Variants in KIF6 observed in about 807,000 individuals in gnomAD.
KIF6 encodes kinesin-like protein KIF6.
In KIF6, 106 loss-of-function variants were observed where a neutral mutation model predicts 112.7. That is an observed-to-expected ratio of 0.94 (90% CI 0.80 to 1.11). KIF6 has a LOEUF of 1.11. Ranked by LOEUF, KIF6 falls within the 50% of genes least tolerant of loss-of-function variation. KIF6 has a pLI of 0.00. For synonymous variants in KIF6, 339 were observed against 339.9 expected (o/e 1.00, Z 0.03); for missense variants, 929 against 964.0 (o/e 0.96, Z 0.48).
At position 39,434,251 on chromosome 6, in the gene KIF6, G is replaced by A. The variant is rs572657077; in HGVS notation, c.1646-3090C>T. ...TGATTCTTGATTTAAAGAATTTGGA[G>A]TCCAGTAAGGGAGAAAGAAAAATGA... is the stretch of plus-strand genomic sequence containing the variant. On this transcript the variant is annotated intron_variant, in intron 13 of 22. Transcript: ENST00000287152. Among the ~76,000 whole-genome samples, 103 of 152,158 alleles carry A rather than the reference G, an allele frequency of 6.8e-4. 1 individual carries two copies. In the South Asian group the frequency reaches 0.021, roughly 31 times the overall value.
chr6:39,464,155 G>A (rs982557738), intron 13 of KIF6, among the ~76,000 whole-genome samples: 12 of 152,234 alleles, frequency 7.9e-5, no homozygotes, highest in Middle Eastern at 6.8e-3. Flanking sequence ...GACCGTTGTC[G>A]TGCTTGATGA....
At chr6:39,649,393 C>A (rs560424315) in intron 3 of KIF6, among the ~76,000 whole-genome samples, 245 of 152,168 alleles carry the variant, frequency 1.6e-3, no homozygotes, top group African/African-American at 5.6e-3. Flanking sequence ...CCCACACAAC[C>A]AAAATTGTTT....
At chr6:39,555,952 T>TTAA (rs1779684416) in intron 10 of KIF6, among the ~76,000 whole-genome samples, 1 of 36,798 alleles carries the variant, frequency 2.7e-5, no homozygotes, top group Admixed American at 3.4e-4. Context: ...AGACGCTGTC[T>TTAA]CAAAAAAAAA....
rs575768766 is a variant in KIF6 at position 39,723,355 on chromosome 6, T to C, written c.66+1890A>G. 6.6e-5 allele frequency among the ~76,000 whole-genome samples: 10 copies of C among 152,260 alleles called. No individual in the cohort carries two copies. The East Asian group carries it at 1.7e-3, about 26-fold the overall frequency. Reference sequence around the variant, plus strand: ...CCACTCCATATACTCACAAATATGATCCAAATTGCCCTTGCCTAAATTGTC... The same window carrying C: ...CCACTCCATATACTCACAAATATGACCCAAATTGCCCTTGCCTAAATTGTC... On this transcript the variant is annotated intron_variant, in intron 1 of 22. Transcript: ENST00000287152.
intron 6 of KIF6, among the ~76,000 whole-genome samples, chr6:39,609,573 C>T (rs1783094947): frequency 6.6e-6 from 1 of 152,126 alleles, no homozygotes; most frequent in Non-Finnish European, 1.5e-5. Context: ...CCTAACACTT[C>T]AAGAGAGAAA....
chr6:39,434,300 A>T (rs1771366314), intron 13 of KIF6, among the ~76,000 whole-genome samples: 1 of 152,124 alleles, frequency 6.6e-6, no homozygotes, highest in African/African-American at 2.4e-5. Flanking sequence ...GCAATGGCTC[A>T]CGACTGTAAT....
chr6:39,419,353 CA>C (rs10682536), intron 15 of KIF6, among the ~76,000 whole-genome samples: 1,214 of 73,680 alleles, frequency 0.016, 11 homozygotes, highest in African/African-American at 0.066. Flanking sequence ...GACTCTGTCT[CA>C]AAAAAAAAAA....
intron 3 of KIF6, among the ~76,000 whole-genome samples, chr6:39,657,039 T>C (rs1785830952): frequency 6.6e-6 from 1 of 152,106 alleles, no homozygotes; most frequent in Admixed American, 6.6e-5. Flanking sequence ...GAGACCAGCC[T>C]GACCAACATG....
intron 13 of KIF6, among the ~76,000 whole-genome samples, chr6:39,517,728 T>C (rs369828036): frequency 6.6e-6 from 1 of 152,154 alleles, no homozygotes; most frequent in East Asian, 1.9e-4. Context: ...ATCAATTAGG[T>C]TTTTACTTCT....
intron 13 of KIF6, among the ~76,000 whole-genome samples, chr6:39,442,059 T>C (rs1771948250): frequency 6.6e-6 from 1 of 152,220 alleles, no homozygotes; most frequent in Non-Finnish European, 1.5e-5. Context: ...AATGGGTTCC[T>C]GACTCCTGAT....
chr6:39,360,868 A>C (rs890514869), intron 17 of KIF6, among the ~76,000 whole-genome samples: 1 of 152,198 alleles, frequency 6.6e-6, no homozygotes, highest in Non-Finnish European at 1.5e-5. Context: ...AACTCATTTA[A>C]TTCTCCTCAC....
chr6:39,649,794 T>C (rs916679064), intron 3 of KIF6, among the ~76,000 whole-genome samples: 1 of 151,234 alleles, frequency 6.6e-6, no homozygotes, highest in Admixed American at 6.6e-5. Context: ...AAACTAAATA[T>C]CAGCATCTTC....
At chr6:39,579,002 T>C (rs981954582) in intron 9 of KIF6, among the ~76,000 whole-genome samples, 2 of 152,212 alleles carry the variant, frequency 1.3e-5, no homozygotes, top group African/African-American at 4.8e-5. Flanking sequence ...TTGATGAACA[T>C]TTAGGATTTT....
At chr6:39,524,836 C>T (rs753509122) in intron 13 of KIF6, among the ~76,000 whole-genome samples, 6 of 152,206 alleles carry the variant, frequency 3.9e-5, no homozygotes, top group Non-Finnish European at 8.8e-5. Flanking sequence ...TAATAAGCAT[C>T]CAGCTCAGAC....
intron 10 of KIF6, among the ~76,000 whole-genome samples, chr6:39,562,118 C>T (rs1034356530): frequency 1.3e-5 from 2 of 152,120 alleles, no homozygotes; most frequent in African/African-American, 4.8e-5. Context: ...GTTAGTGGCC[C>T]CATGATTACT....
chr6:39,723,766 G>A (rs1790367582), intron 1 of KIF6, among the ~76,000 whole-genome samples: 1 of 152,160 alleles, frequency 6.6e-6, no homozygotes, highest in South Asian at 2.1e-4. Context: ...CTACGGGAGG[G>A]ATAGCATTAG....
At chr6:39,490,597 G>A (rs1385446140) in intron 13 of KIF6, among the ~76,000 whole-genome samples, 1 of 152,218 alleles carries the variant, frequency 6.6e-6, no homozygotes, top group Non-Finnish European at 1.5e-5. Flanking sequence ...GCAAAAGGCT[G>A]CTCATGTTGC....
intron 21 of KIF6, among the ~76,000 whole-genome samples, chr6:39,344,496 T>G (rs1308599375): frequency 1.3e-5 from 2 of 152,282 alleles, no homozygotes; most frequent in East Asian, 1.9e-4. Flanking sequence ...CTGCCCCCTT[T>G]TCTTTCAGTG....
At chr6:39,626,476 A>T (rs1784101235) in intron 5 of KIF6, among the ~76,000 whole-genome samples, 1 of 152,152 alleles carries the variant, frequency 6.6e-6, no homozygotes, top group Non-Finnish European at 1.5e-5. Flanking sequence ...AACACGGTTA[A>T]TATCCTGGTT....
Sources: gnomAD v4.1 joint callset for allele counts (sites outside exome capture counted in the v4.1 genomes callset) on GRCh38, gnomAD v4.1.1 for gene constraint, MANE v1.5 for transcripts, NCBI Gene and HGNC (gene_info 2026-07-23, HGNC 2026-07-21) for gene names.